The following SYBU variants were observed in gnomAD, a reference collection of about 807,000 sequenced individuals.
The protein encoded by SYBU is syntabulin, also known as GOLSYN A protein.
A neutral mutation model predicts 35.9 loss-of-function variants in SYBU; 21 were observed. The ratio of observed to expected loss-of-function variants is 0.58; its 90% CI spans 0.41 to 0.84. The LOEUF (loss-of-function observed/expected upper bound fraction) is 0.84, where lower values mean the gene tolerates loss of function less well. Among genes scored for constraint, SYBU ranks in the 40% least tolerant of loss-of-function variants. The pLI, the probability that SYBU is intolerant of heterozygous loss-of-function variation, is 0.00. For synonymous variants in SYBU, 319 were observed against 324.3 expected (o/e 0.98, Z 0.18); for missense variants, 768 against 848.2 (o/e 0.91, Z 1.17).
chr8:109,582,739 C>T (rs1238387236), intron 4 of SYBU, among the ~76,000 whole-genome samples: 8 of 152,206 alleles, frequency 5.3e-5, no homozygotes, highest in Non-Finnish European at 1.2e-4. Flanking sequence ...GAAGCCCTAA[C>T]TCCCAGTACC....
At chr8:109,613,489 C>G (rs1024631396) in intron 3 of SYBU, among the ~76,000 whole-genome samples, 3 of 152,110 alleles carry the variant, frequency 2.0e-5, no homozygotes, top group Non-Finnish European at 4.4e-5. Flanking sequence ...AAGACTTGAA[C>G]CTAGTATGCT....
intron 3 of SYBU, among the ~76,000 whole-genome samples, chr8:109,609,750 C>A (rs745950785): frequency 3.3e-5 from 5 of 152,116 alleles, no homozygotes; most frequent in Non-Finnish European, 4.4e-5. Context: ...GGGGACAGAG[C>A]AAGACACTGT....
In SYBU at chr8:109,575,043, C is replaced by T. The variant is rs1416050724; in HGVS notation, c.1855G>A (p.Val619Ile). The change falls in exon 7 of 7, where the codon GTC becomes ATC. Residue 619 changes from valine (V) to isoleucine (I), a missense_variant. Physicochemically the swap from Val to Ile is conservative, Grantham distance 29 (BLOSUM62 3). Coordinates refer to ENST00000276646, the MANE Select transcript of SYBU (RefSeq NM_001099754.2). ...CTGAATGCCCACAGAACCGTGGGGACCACGGGGGCAGCCACAGCCAGGAGA... is the reference window on the plus strand; with the variant it reads ...CTGAATGCCCACAGAACCGTGGGGATCACGGGGGCAGCCACAGCCAGGAGA... ...VDLLAVAAPV[V>I]PTVLWAFSTQ... 3.7e-6 allele frequency: 6 copies of T among 1,607,994 alleles called. No homozygotes were observed. Among genetic ancestry groups the T allele is most frequent in the Non-Finnish European group, 5.1e-6 (6 of 1,176,260 alleles).
At chr8:109,683,171 C>A (rs1461963606), upstream of SYBU, among the ~76,000 whole-genome samples, 1 of 152,212 alleles carries the variant, frequency 6.6e-6, no homozygotes. Context: ...CCACTGTCCT[C>A]AGATCACAGA....
chr8:109,612,841 G>T lies in SYBU; in HGVS notation c.427+6001C>A, dbSNP rs144691699. On this transcript the variant is annotated intron_variant, in intron 3 of 6. Coordinates refer to ENST00000276646, the MANE Select transcript of SYBU (RefSeq NM_001099754.2). The stretch of plus-strand genomic sequence containing the variant: ...CTAAAAACACAAAAATTAGCCAGGC[G>T]TGGTGGCAGGCACCTGTAATCCCAG... 8.4e-3 allele frequency among the ~76,000 whole-genome samples: 1,278 copies of T among 152,206 alleles called. 10 individuals are homozygous for T. Among genetic ancestry groups the T allele is most frequent in the African/African-American group, 0.029 (1,208 of 41,540 alleles).
chr8:109,685,470 G>A (rs112693856), upstream of SYBU, among the ~76,000 whole-genome samples: 2,321 of 152,252 alleles, frequency 0.015, 40 homozygotes, highest in African/African-American at 0.053. Context: ...CTCACTATGA[G>A]TTAGGAACTG....
chr8:109,639,755 GC>G lies in SYBU; in HGVS notation c.229+2972del, dbSNP rs371491124. 3.8e-3 allele frequency among the ~76,000 whole-genome samples: 579 copies of G among 152,306 alleles called. 4 individuals are homozygous for G. The highest frequency in any genetic ancestry group is 0.013 in the African/African-American group (522 of 41,570). ...ACCTTCTGGCCTCAGTGTTGGAGTG[GC>G]TGGATTAAAACGAGCGATTTCCCCC... On this transcript the variant is annotated intron_variant, in intron 2 of 6. Transcript: ENST00000276646.
At chr8:109,642,958 A>T (rs1815092008) in intron 1 of SYBU, 26 bp from the exon 2 acceptor site, 1 of 1,447,600 alleles carries the variant, frequency 6.9e-7, no homozygotes, top group Non-Finnish European at 9.1e-7. Context: ...CAAAAAAGAA[A>T]ACAAAAGGAA....
intron 1 of SYBU, among the ~76,000 whole-genome samples, chr8:109,690,256 C>T (rs1817616722): frequency 6.6e-6 from 1 of 152,178 alleles, no homozygotes; most frequent in Admixed American, 6.5e-5. Context: ...CTCTCAGCGA[C>T]AGGTGCTACT....
At chr8:109,685,007 A>C (rs1452973738), upstream of SYBU, among the ~76,000 whole-genome samples, 1 of 152,210 alleles carries the variant, frequency 6.6e-6, no homozygotes, top group African/African-American at 2.4e-5. Context: ...TGAAAATTAC[A>C]AAAGCTCTTT....
upstream of SYBU, among the ~76,000 whole-genome samples, chr8:109,684,762 C>A (rs912564405): frequency 2.6e-5 from 4 of 152,142 alleles, no homozygotes; most frequent in Non-Finnish European, 5.9e-5. Flanking sequence ...ACTATCTATT[C>A]TTTTCCCACT....
intron 3 of SYBU, among the ~76,000 whole-genome samples, chr8:109,605,463 AC>A (rs1185863330): frequency 6.6e-6 from 1 of 151,922 alleles, no homozygotes; most frequent in South Asian, 2.1e-4. Context: ...TACAAATGCT[AC>A]CCCCCTGCTC....
chr8:109,688,233 AC>A (rs1251781928), intron 1 of SYBU, among the ~76,000 whole-genome samples: 23 of 152,374 alleles, frequency 1.5e-4, no homozygotes, highest in African/African-American at 5.3e-4. Flanking sequence ...GAGTAAAAAA[AC>A]AATGTGTTAA....
chr8:109,644,526 C>T, intron 1 of SYBU, 110 bp downstream of exon 1: 1 of 1,336,464 alleles, frequency 7.5e-7, no homozygotes, highest in South Asian at 1.3e-5. Flanking sequence ...CTCCTTCCAC[C>T]TTTCCCCAGA....
chr8:109,623,148 G>A (rs1812625123), intron 2 of SYBU, among the ~76,000 whole-genome samples: 1 of 152,144 alleles, frequency 6.6e-6, no homozygotes, highest in Non-Finnish European at 1.5e-5. Flanking sequence ...CACTTTACAT[G>A]CTTTATACAG....
chr8:109,633,734 A>T (rs951010699), intron 2 of SYBU, among the ~76,000 whole-genome samples: 1 of 151,796 alleles, frequency 6.6e-6, no homozygotes, highest in African/African-American at 2.4e-5. Context: ...TATCTTTTTT[A>T]TTATTATTAT....
intron 3 of SYBU, among the ~76,000 whole-genome samples, chr8:109,599,307 A>G (rs1048237688): frequency 6.6e-6 from 1 of 152,252 alleles, no homozygotes; most frequent in Non-Finnish European, 1.5e-5. Flanking sequence ...TTAACATAAC[A>G]GAAATACATT....
At chr8:109,689,013 T>C (rs3935692) in intron 1 of SYBU, among the ~76,000 whole-genome samples, 13,450 of 152,154 alleles carry the variant, frequency 0.088, 674 homozygotes, top group East Asian at 0.12. Flanking sequence ...GTTTGTACCA[T>C]AACTATTTTA....
At chr8:109,579,152 C>T (rs560299917) in intron 5 of SYBU, among the ~76,000 whole-genome samples, 1 of 152,284 alleles carries the variant, frequency 6.6e-6, no homozygotes, top group African/African-American at 2.4e-5. Context: ...CTGCCAGCTC[C>T]CTGAGCACCT....
Sources: allele counts gnomAD v4.1 joint callset (sites outside exome capture counted in the v4.1 genomes callset), GRCh38; gene constraint gnomAD v4.1.1; transcripts MANE v1.5; gene names NCBI Gene and HGNC (gene_info 2026-07-23, HGNC 2026-07-21).